The following FOXP1 variants were observed in gnomAD, a reference collection of about 807,000 sequenced individuals.
FOXP1 encodes the protein forkhead box P1, also known as forkhead box protein P1.
Under a neutral mutation model 98.2 loss-of-function variants are expected in FOXP1, and 15 were observed. The ratio of observed to expected loss-of-function variants is 0.15; its 90% CI spans 0.10 to 0.24. The LOEUF (loss-of-function observed/expected upper bound fraction) is 0.24, where lower values mean the gene tolerates loss of function less well. FOXP1 is among the 10% of genes least tolerant of loss of function. The pLI is 1.00. For synonymous variants in FOXP1, 371 were observed against 314.5 expected (o/e 1.18, Z -1.90); for missense variants, 633 against 848.5 (o/e 0.75, Z 3.15).
chr3:71,259,206 A>G (rs1008372095), intron 5 of FOXP1, among the ~76,000 whole-genome samples: 1 of 152,202 alleles, frequency 6.6e-6, no homozygotes, highest in African/African-American at 2.4e-5. Flanking sequence ...ATGAGTGGGC[A>G]CGGCAACCAA....
intron 4 of FOXP1, among the ~76,000 whole-genome samples, chr3:71,321,199 G>A (rs977953575): frequency 2.0e-5 from 3 of 151,450 alleles, no homozygotes; most frequent in South Asian, 2.1e-4. Flanking sequence ...ATGAGCCTTA[G>A]TGCCATTCCC....
At chr3:70,972,198 G>C (rs1237076029) in intron 18 of FOXP1, 1 of 1,510,788 alleles carries the variant, frequency 6.6e-7, no homozygotes, top group Non-Finnish European at 8.8e-7. Flanking sequence ...AGGAGCAGCA[G>C]CAAAGGAGAT....
intron 4 of FOXP1, chr3:71,304,668 C>G (rs1022371892): frequency 2.6e-5 from 4 of 152,144 alleles, no homozygotes; most frequent in Admixed American, 2.6e-4. Context: ...GTATAAAAGT[C>G]ATATACTTAC....
intron 5 of FOXP1, among the ~76,000 whole-genome samples, chr3:71,292,856 C>G (rs1005146072): frequency 6.6e-6 from 1 of 152,164 alleles, no homozygotes; most frequent in African/African-American, 2.4e-5. Flanking sequence ...CAGAGAGGAA[C>G]AAACTGAAAC....
At chr3:71,473,827 C>T (rs2089577308) in intron 3 of FOXP1, among the ~76,000 whole-genome samples, 1 of 152,138 alleles carries the variant, frequency 6.6e-6, no homozygotes, top group African/African-American at 2.4e-5. Flanking sequence ...ACCCTGCAAG[C>T]TATGACACAC....
At chr3:71,257,338 A>G (rs2068712984) in intron 5 of FOXP1, among the ~76,000 whole-genome samples, 1 of 152,180 alleles carries the variant, frequency 6.6e-6, no homozygotes, top group Admixed American at 6.5e-5. Flanking sequence ...ACACTTTGGG[A>G]GGCCGAGATG....
At chr3:70,962,337 T>C (rs995520605) in intron 20 of FOXP1, among the ~76,000 whole-genome samples, 1 of 152,202 alleles carries the variant, frequency 6.6e-6, no homozygotes, top group African/African-American at 2.4e-5. Context: ...TTTCTGTTGA[T>C]TTACCTCCTT....
At chr3:71,314,367 A>C (rs971506279) in intron 4 of FOXP1, among the ~76,000 whole-genome samples, 1 of 151,962 alleles carries the variant, frequency 6.6e-6, no homozygotes, top group Non-Finnish European at 1.5e-5. Context: ...ATCTCTACTA[A>C]AAGTACAAAA....
chr3:71,510,993 T>C (rs1223267945), intron 2 of FOXP1, among the ~76,000 whole-genome samples: 2 of 152,234 alleles, frequency 1.3e-5, no homozygotes, highest in Non-Finnish European at 2.9e-5. Flanking sequence ...CAGTGAAATA[T>C]ATTTGCACTC....
intron 5 of FOXP1, among the ~76,000 whole-genome samples, chr3:71,219,173 C>T (rs2065167194): frequency 6.6e-6 from 1 of 152,166 alleles, no homozygotes; most frequent in Admixed American, 6.5e-5. Context: ...TGCCTGGGAG[C>T]ATGCCCTCAT....
intron 2 of FOXP1, among the ~76,000 whole-genome samples, chr3:71,560,716 T>G (rs1210339981): frequency 6.6e-6 from 1 of 152,216 alleles, no homozygotes; most frequent in East Asian, 1.9e-4. Flanking sequence ...TGAAATATTA[T>G]TCAGCCATAA....
chr3:71,351,211 T>G (rs890678217), intron 4 of FOXP1, among the ~76,000 whole-genome samples: 1 of 152,022 alleles, frequency 6.6e-6, no homozygotes, highest in African/African-American at 2.4e-5. Context: ...CAAGACTTAA[T>G]GGCATGATCG....
intron 5 of FOXP1, among the ~76,000 whole-genome samples, chr3:71,297,616 A>AT (rs33920121): frequency 0.7 from 94,420 of 135,096 alleles, 33,918 homozygotes; most frequent in Middle Eastern, 0.79. Flanking sequence ...GCTTTGTTTA[A>AT]TTTTTTTTTT....
intron 5 of FOXP1, among the ~76,000 whole-genome samples, chr3:71,259,463 T>C (rs2068912856): frequency 6.6e-6 from 1 of 152,230 alleles, no homozygotes; most frequent in Non-Finnish European, 1.5e-5. Flanking sequence ...TCATTCCTAT[T>C]ATTTTTCTTA....
In FOXP1 at chr3:70,977,911, G is replaced by A. The variant is rs1158652441; in HGVS notation, c.1265C>T (p.Ser422Phe). Residue 422 changes from serine to phenylalanine, a missense_variant, in exon 15 of 21, where the codon TCT becomes TTT. This residue lies in a region of FOXP1 where 141 missense variants were observed against 199.5 expected (regional missense o/e 0.71). Transcript: ENST00000649528. ...GTGCATGCTGGTGGTTGTGATGACA[G>A]AGGGGCCTTGGGTGACGGGAGTCAG... ...APLTPVTQGP[S>F]VITTTSMHTV... The A allele has an allele frequency of 1.2e-6, 2 of 1,614,200 alleles. No individual in the cohort carries two copies. The highest frequency in any genetic ancestry group is 1.7e-6 in the Non-Finnish European group (2 of 1,180,030).
chr3:71,120,871 T>C (rs1214256027), intron 6 of FOXP1, among the ~76,000 whole-genome samples: 2 of 152,194 alleles, frequency 1.3e-5, no homozygotes, highest in Admixed American at 6.5e-5. Flanking sequence ...GTGGTTATCA[T>C]TGCTATGATG....
intron 2 of FOXP1, among the ~76,000 whole-genome samples, chr3:71,576,986 T>C (rs1172130419): frequency 3.9e-5 from 6 of 152,150 alleles, no homozygotes; most frequent in Non-Finnish European, 8.8e-5. Context: ...ATCAGGGCAT[T>C]GCAAAAAGAA....
intron 6 of FOXP1, among the ~76,000 whole-genome samples, chr3:71,173,907 A>G (rs759051553): frequency 1.3e-5 from 2 of 152,222 alleles, no homozygotes; most frequent in Admixed American, 6.5e-5. Flanking sequence ...TTTTTGTTGT[A>G]ATTGTTGTTG....
At chr3:71,422,382 G>C (rs762791972) in intron 3 of FOXP1, among the ~76,000 whole-genome samples, 1 of 152,204 alleles carries the variant, frequency 6.6e-6, no homozygotes, top group Non-Finnish European at 1.5e-5. Flanking sequence ...CTTGGCAAAA[G>C]ACTGATTCAG....
Sources: allele counts gnomAD v4.1 joint callset (sites outside exome capture counted in the v4.1 genomes callset), GRCh38; gene constraint gnomAD v4.1.1; regional missense constraint gnomAD v4.1.1; transcripts MANE v1.5; gene names NCBI Gene and HGNC (gene_info 2026-07-23, HGNC 2026-07-21).